Variants in CNTN4 observed in about 807,000 individuals in gnomAD.
CNTN4 encodes the protein contactin-4.
CNTN4 carries 77 observed loss-of-function variants against 122.5 expected under a neutral mutation model. The observed-to-expected ratio is 0.63, with a 90% CI of 0.52 to 0.76. CNTN4 has a LOEUF of 0.76. Ranked by LOEUF, CNTN4 falls within the 30% of genes least tolerant of loss-of-function variation. CNTN4 has a pLI of 0.00. For synonymous variants in CNTN4, 512 were observed against 447.0 expected, an observed-to-expected ratio of 1.15 and a Z score of -1.83; for missense variants, 1,256 against 1,259.1, an observed-to-expected ratio of 1.00 and a Z score of 0.04.
chr3:2,259,320 GA>G (rs754232138), intron 2 of CNTN4, among the ~76,000 whole-genome samples: 7 of 152,168 alleles, frequency 4.6e-5, no homozygotes, highest in Non-Finnish European at 5.9e-5. Flanking sequence ...GACAATGACT[GA>G]TGTTTTATGA....
At chr3:2,717,134 A>C (rs1230942310) in intron 4 of CNTN4, among the ~76,000 whole-genome samples, 1 of 152,090 alleles carries the variant, frequency 6.6e-6, no homozygotes, top group African/African-American at 2.4e-5. Context: ...TTGTGCAAAA[A>C]AGAGTTAACA....
At chr3:2,410,844 G>C (rs73804526) in intron 3 of CNTN4, among the ~76,000 whole-genome samples, 405 of 152,294 alleles carry the variant, frequency 2.7e-3, no homozygotes, top group African/African-American at 8.6e-3. Context: ...TAGTCAGCCT[G>C]ACTGTGGGAT....
At chr3:2,140,239 A>G (rs1260008512) in intron 2 of CNTN4, among the ~76,000 whole-genome samples, 1 of 152,200 alleles carries the variant, frequency 6.6e-6, no homozygotes, top group Non-Finnish European at 1.5e-5. Context: ...AGAACAGACT[A>G]ATACACCACC....
At chr3:2,932,201 C>A (rs1274412408) in intron 13 of CNTN4, among the ~76,000 whole-genome samples, 1 of 152,038 alleles carries the variant, frequency 6.6e-6, no homozygotes, top group African/African-American at 2.4e-5. Context: ...CACGGTGAAA[C>A]CCTCTCTTTA....
chr3:2,400,763 T>C (rs1238127296), intron 3 of CNTN4, among the ~76,000 whole-genome samples: 7 of 151,404 alleles, frequency 4.6e-5, no homozygotes, highest in African/African-American at 1.7e-4. Flanking sequence ...TTTCAAGTTT[T>C]CCAATCCTTA....
At chr3:2,380,288 AACATTAGGGTTTG>A (rs145929256) in intron 3 of CNTN4, among the ~76,000 whole-genome samples, 17,831 of 152,186 alleles carry the variant, frequency 0.12, 1,324 homozygotes, top group Non-Finnish European at 0.16. Flanking sequence ...CCTCAATGGT[AACATTAGGGTTTG>A]CATCTCTGTT....
chr3:2,707,852 C>A (rs1222961368), intron 4 of CNTN4, among the ~76,000 whole-genome samples: 3 of 152,054 alleles, frequency 2.0e-5, no homozygotes, highest in Non-Finnish European at 2.9e-5. Flanking sequence ...ACAACTCTGA[C>A]TAGATGTCAT....
intron 2 of CNTN4, among the ~76,000 whole-genome samples, chr3:2,262,638 T>TC (rs2040881928): frequency 6.6e-6 from 1 of 151,724 alleles, no homozygotes; most frequent in Non-Finnish European, 1.5e-5. Context: ...TGTTTTTTTT[T>TC]TTTTGCAAAT....
intron 12 of CNTN4, among the ~76,000 whole-genome samples, chr3:2,912,362 G>T (rs965348990): frequency 7.2e-5 from 11 of 152,152 alleles, no homozygotes; most frequent in Non-Finnish European, 1.0e-4. Context: ...TGAGGGAGAA[G>T]TGGAGACTTT....
At position 2,830,477 on chromosome 3, in the gene CNTN4, G is replaced by A. The variant is rs376250961; in HGVS notation, c.454+10896G>A. Among the ~76,000 whole-genome samples the A allele has an allele frequency of 5.3e-5, 8 of 152,276 alleles. 1 individual carries two copies. In the South Asian group the frequency reaches 1.7e-3, roughly 32 times the overall value. The stretch of plus-strand genomic sequence containing the variant: ...TTGACAAAGCTGGACCACATGCAGA[G>A]CTTTTTCTTTTGGAGTTGTCCTGTC... On this transcript the variant is annotated intron_variant, in intron 7 of 24. Transcript: ENST00000418658.
At chr3:2,191,809 C>T (rs1259929522) in intron 2 of CNTN4, among the ~76,000 whole-genome samples, 1 of 151,956 alleles carries the variant, frequency 6.6e-6, no homozygotes. Flanking sequence ...ATGCATGTGC[C>T]ATGTTGGTGT....
chr3:2,145,021 A>T (rs930880346), intron 2 of CNTN4, among the ~76,000 whole-genome samples: 5 of 151,398 alleles, frequency 3.3e-5, no homozygotes, highest in Non-Finnish European at 5.9e-5. Context: ...TTTTGGAGGG[A>T]GGTGGTCTCA....
chr3:2,708,986 C>A (rs188446208), intron 4 of CNTN4, among the ~76,000 whole-genome samples: 8 of 152,090 alleles, frequency 5.3e-5, no homozygotes, highest in African/African-American at 1.9e-4. Flanking sequence ...AATCCATGTA[C>A]GTATTTTAAT....
intron 3 of CNTN4, among the ~76,000 whole-genome samples, chr3:2,494,014 G>T (rs574696441): frequency 6.6e-6 from 1 of 151,834 alleles, no homozygotes; most frequent in East Asian, 1.9e-4. Context: ...ACCAGTCCTG[G>T]ATTGTTTATT....
intron 2 of CNTN4, among the ~76,000 whole-genome samples, chr3:2,202,996 T>C (rs2038170444): frequency 2.0e-5 from 3 of 151,410 alleles, no homozygotes; most frequent in African/African-American, 7.3e-5. Flanking sequence ...TAATTATTTT[T>C]TTTTTTTTTG....
At position 2,603,275 on chromosome 3, in the gene CNTN4, G is replaced by A. The variant is rs375215987; in HGVS notation, c.55+31717G>A. On this transcript the variant is annotated intron_variant, in intron 4 of 24. Coordinates refer to ENST00000418658, the MANE Select transcript of CNTN4 (RefSeq NM_175607.3). ...AGACTAATGAGATTTGAAATGCAGC[G>A]TATTTCTTGATATTGAAAATATACA... is the stretch of plus-strand genomic sequence containing the variant. Among the ~76,000 whole-genome samples the A allele has an allele frequency of 8.5e-5, 13 of 152,108 alleles. No individual in the cohort carries two copies. The East Asian group carries it at 1.9e-3, about 23-fold the overall frequency.
At chr3:2,595,287 C>T (rs2080715413) in intron 4 of CNTN4, among the ~76,000 whole-genome samples, 1 of 152,104 alleles carries the variant, frequency 6.6e-6, no homozygotes, top group Non-Finnish European at 1.5e-5. Context: ...AAGATATTAT[C>T]CTTAGTTTTC....
Position 2,100,509 on chromosome 3 carries a change from A to C in CNTN4, c.-226-49A>C, listed in dbSNP as rs573854934. The C allele has an allele frequency of 2.0e-5, 3 of 152,344 alleles. No homozygotes were observed. In the South Asian group the frequency reaches 6.2e-4, roughly 32 times the overall value. 9.4% of individuals were successfully genotyped at this position (152,344 alleles called of 1,614,324 possible). ...GCAGGTCCATACAATAGCGTTCCCA[A>C]GTCTGCCTAATAGCAAGTTTGTTCT... On this transcript the variant is annotated intron_variant, in intron 1 of 24. Coordinates refer to ENST00000418658, the MANE Select transcript of CNTN4 (RefSeq NM_175607.3).
chr3:2,165,277 C>T (rs1233736317), intron 2 of CNTN4, among the ~76,000 whole-genome samples: 1 of 151,260 alleles, frequency 6.6e-6, no homozygotes, highest in Non-Finnish European at 1.5e-5. Context: ...GAGCTGAGAT[C>T]GCGCCATTGC....
Sources: gnomAD v4.1 joint callset for allele counts (sites outside exome capture counted in the v4.1 genomes callset) on GRCh38, gnomAD v4.1.1 for gene constraint, MANE v1.5 for transcripts, NCBI Gene and HGNC (gene_info 2026-07-23, HGNC 2026-07-21) for gene names.